Variants in ARHGAP30 observed in about 807,000 individuals in gnomAD.
ARHGAP30 encodes the protein rho GTPase-activating protein 30.
A neutral mutation model predicts 72.0 loss-of-function variants in ARHGAP30; 23 were observed. The ratio of observed to expected loss-of-function variants is 0.32; its 90% CI spans 0.23 to 0.45. The LOEUF (loss-of-function observed/expected upper bound fraction) is 0.45, where lower values mean the gene tolerates loss of function less well. Ranked by LOEUF, ARHGAP30 falls within the 20% of genes least tolerant of loss-of-function variation. The probability of loss-of-function intolerance (pLI) is 1.00; values close to 1 mark genes in which losing one functional copy is unlikely to be tolerated. For missense variants in ARHGAP30, 1,319 were observed against 1,383.4 expected (o/e 0.95, Z 0.74); for synonymous variants, 576 against 528.2 (o/e 1.09, Z -1.24).
At chr1:161,059,947 C>G (rs1422242470) in intron 1 of ARHGAP30, among the ~76,000 whole-genome samples, 1 of 152,210 alleles carries the variant, frequency 6.6e-6, no homozygotes, top group Non-Finnish European at 1.5e-5. Flanking sequence ...CTCCAAACTA[C>G]CCAATCAGCT....
chr1:161,055,804 T>TAAAATAATAA (rs1553217874), intron 3 of ARHGAP30, among the ~76,000 whole-genome samples: 180 of 44,766 alleles, frequency 4.0e-3, no homozygotes, highest in African/African-American at 9.5e-3. Context: ...TAAAATAAAA[T>TAAAATAATAA]AATAAAATAA....
chr1:161,049,369 G>A lies in ARHGAP30; in HGVS notation c.1687-35C>T, dbSNP rs375000593. ...CAGCATTGTGACTCAGGACCAGGAG[G>A]CCCTGTCCACCCTTGACTCCATGCC... On this transcript the variant is annotated intron_variant, in intron 11 of 11. Coordinates refer to ENST00000368013, the MANE Select transcript of ARHGAP30 (RefSeq NM_001025598.2). The A allele has an allele frequency of 2.7e-5, 44 of 1,601,680 alleles. No individual in the cohort carries two copies. The African/African-American group carries it at 5.8e-4, about 21-fold the overall frequency.
At chr1:161,054,501 CAG>C (rs764213039) in intron 4 of ARHGAP30, 28 bp from the exon 5 acceptor site, 5 of 1,609,690 alleles carry the variant, frequency 3.1e-6, no homozygotes, top group Non-Finnish European at 4.3e-6. Flanking sequence ...AGGGATCACA[CAG>C]GGAATGCCCA....
chr1:161,052,177 A>G (rs535597013), intron 9 of ARHGAP30, 109 bp downstream of exon 9: 3 of 1,215,544 alleles, frequency 2.5e-6, no homozygotes, highest in Middle Eastern at 2.4e-4. Context: ...ATAGGCACTC[A>G]TTAAATATTT....
At chr1:161,064,831 GAGAAAGAAA>G (rs1400042865) in intron 1 of ARHGAP30, among the ~76,000 whole-genome samples, 3 of 73,832 alleles carry the variant, frequency 4.1e-5, no homozygotes, top group East Asian at 5.6e-4. Context: ...AAGAAAGAAA[GAGAAAGAAA>G]GAAAGAAAGG....
chr1:161,062,805 C>T (rs1419707701), intron 1 of ARHGAP30, among the ~76,000 whole-genome samples: 5 of 151,482 alleles, frequency 3.3e-5, no homozygotes, highest in South Asian at 2.1e-4. Flanking sequence ...TATTATAATT[C>T]GCCACAGTCT....
At chr1:161,053,456 A>T (rs1458111952) in intron 5 of ARHGAP30, 71 bp from the exon 6 acceptor site, 1 of 1,186,770 alleles carries the variant, frequency 8.4e-7, no homozygotes, top group Non-Finnish European at 1.2e-6. Flanking sequence ...CCCTGAAAAT[A>T]CCTTATTCTC....
Position 161,048,954 on chromosome 1 carries a change from A to T in ARHGAP30, c.2067T>A (p.Ser689Arg). 1 of 1,611,828 alleles carries T rather than the reference A, an allele frequency of 6.2e-7. No homozygotes were observed. The highest frequency in any genetic ancestry group is 1.7e-5 in the Admixed American group (1 of 59,814). ...PETKVEAGKA[S>R]EDRGEAGGSQ... is the part of the protein sequence containing the mutation. ...TTCCCCCAGCCTCCCCTCTATCCTC[A>T]CTGGCCTTTCCAGCCTCCACCTTGG... The change falls in exon 12 of 12, where the codon AGT (serine) becomes AGA (arginine). Residue 689 changes from serine to arginine, a missense_variant. By Grantham distance (110) the Ser-to-Arg change is moderately radical. Transcript: ENST00000368013.
At chr1:161,055,715 C>T (rs920894676) in intron 3 of ARHGAP30, among the ~76,000 whole-genome samples, 5 of 150,326 alleles carry the variant, frequency 3.3e-5, no homozygotes, top group African/African-American at 1.2e-4. Context: ...ACCTGGGAGG[C>T]GGAGGTTGCA....
At chr1:161,057,339 T>C (rs1023367726) in intron 2 of ARHGAP30, among the ~76,000 whole-genome samples, 5 of 151,994 alleles carry the variant, frequency 3.3e-5, no homozygotes, top group African/African-American at 7.2e-5. Context: ...GCCAAATTTT[T>C]AAACAGGCAA....
chr1:161,051,030 T>A (rs931888258), intron 10 of ARHGAP30, among the ~76,000 whole-genome samples: 2 of 152,254 alleles, frequency 1.3e-5, no homozygotes, highest in Non-Finnish European at 2.9e-5. Context: ...ATTCCCACAT[T>A]TGTCCTTAGT....
At chr1:161,060,604 A>G (rs955800595) in intron 1 of ARHGAP30, among the ~76,000 whole-genome samples, 15 of 151,890 alleles carry the variant, frequency 9.9e-5, no homozygotes, top group African/African-American at 3.1e-4. Flanking sequence ...CTCAAAAAAA[A>G]AAAAAAAAAG....
At chr1:161,054,776 T>C (rs1446923527) in intron 3 of ARHGAP30, 71 bp from the exon 4 acceptor site, 1 of 1,363,368 alleles carries the variant, frequency 7.3e-7, no homozygotes, top group South Asian at 1.2e-5. Context: ...CCAGAGCTTG[T>C]AACCAAGTTC....
In ARHGAP30 at chr1:161,056,399, C is replaced by A; in HGVS notation, c.334G>T (p.Asp112Tyr). 1 of 1,613,726 alleles carries A rather than the reference C, an allele frequency of 6.2e-7. No individual in the cohort carries two copies. The highest frequency in any genetic ancestry group is 8.5e-7 in the Non-Finnish European group (1 of 1,179,820). The change falls in exon 3 of 12, where the codon GAC becomes TAC. Residue 112 changes from aspartate to tyrosine, a missense_variant. Around this residue, in one of 2 missense-constraint regions of ARHGAP30, gnomAD observed 222 missense variants for 338.2 expected, o/e 0.66. Coordinates refer to ENST00000368013, the MANE Select transcript of ARHGAP30 (RefSeq NM_001025598.2). ...PDPLLTYRLYDKFAEAVGVQL... is the reference protein window; with the variant it reads ...PDPLLTYRLYYKFAEAVGVQL... ...GCCTCTCAACTCACAGCAAACTTGT[C>A]ATAGAGCCGGTAAGTGAGCAGGGGA...
chr1:161,049,962 G>C (rs1651230796), intron 10 of ARHGAP30, among the ~76,000 whole-genome samples: 1 of 152,156 alleles, frequency 6.6e-6, no homozygotes, highest in South Asian at 2.1e-4. Flanking sequence ...TTACATATGA[G>C]GAAACTGAGG....
At chr1:161,051,760 A>G (rs755959891) in intron 9 of ARHGAP30, 45 bp from the exon 10 acceptor site, 5 of 1,527,192 alleles carry the variant, frequency 3.3e-6, no homozygotes, top group Non-Finnish European at 1.8e-6. Context: ...CCTAAACTCC[A>G]AGGGGCCTAG....
At position 161,053,495 on chromosome 1, in the gene ARHGAP30, TC is replaced by T. The variant is rs1651591356; in HGVS notation, c.537-111del. The T allele has an allele frequency of 2.4e-5, 22 of 918,952 alleles. No homozygotes were observed. The African/African-American group carries it at 4.6e-4, about 19-fold the overall frequency. The allele number at this position is 918,952 out of a possible 1,614,324, so 56.9% of individuals were successfully genotyped here. ...CTCTCTCTCTCTCTCTCTCTCTCTCTCTCTCTCTCTCGAATGACCTTAACCC... is the reference window on the plus strand; with the variant it reads ...CTCTCTCTCTCTCTCTCTCTCTCTCTTCTCTCTCTCGAATGACCTTAACCC... On this transcript the variant is annotated intron_variant, in intron 5 of 11. Coordinates refer to ENST00000368013, the MANE Select transcript of ARHGAP30 (RefSeq NM_001025598.2).
chr1:161,065,254 G>A (rs1041337827), intron 1 of ARHGAP30, among the ~76,000 whole-genome samples: 1 of 152,130 alleles, frequency 6.6e-6, no homozygotes, highest in Non-Finnish European at 1.5e-5. Flanking sequence ...GGGATTACAG[G>A]CGTGAGCCAC....
intron 1 of ARHGAP30, among the ~76,000 whole-genome samples, chr1:161,068,639 T>C (rs993499749): frequency 3.3e-5 from 5 of 152,160 alleles, no homozygotes; most frequent in Non-Finnish European, 7.3e-5. Context: ...CAAGCTGGGC[T>C]GGGCAGCCAG....
Sources: gnomAD v4.1 joint callset for allele counts (sites outside exome capture counted in the v4.1 genomes callset) on GRCh38, gnomAD v4.1.1 for gene constraint, gnomAD v4.1.1 regional missense constraint, MANE v1.5 for transcripts, NCBI Gene and HGNC (gene_info 2026-07-23, HGNC 2026-07-21) for gene names.